Variants in KLF12 observed in about 807,000 individuals in gnomAD.
KLF12 encodes Krueppel-like factor 12.
In KLF12, 9 loss-of-function variants were observed where a neutral mutation model predicts 37.8. The ratio of observed to expected loss-of-function variants is 0.24; its 90% CI spans 0.14 to 0.42. KLF12 has a LOEUF of 0.42. Ranked by LOEUF, KLF12 falls within the 10% of genes least tolerant of loss-of-function variation. The pLI is 1.00. For missense variants in KLF12, 411 were observed against 516.0 expected (o/e 0.80, Z 1.97); for synonymous variants, 208 against 202.1 (o/e 1.03, Z -0.25).
At chr13:74,127,381 A>C (rs1327117132) in intron 1 of KLF12, among the ~76,000 whole-genome samples, 3 of 152,236 alleles carry the variant, frequency 2.0e-5, no homozygotes, top group African/African-American at 7.2e-5. Flanking sequence ...ATTTAGAACA[A>C]GGCAAATCAA....
chr13:73,717,010 T>A (rs919326942), intron 6 of KLF12, among the ~76,000 whole-genome samples: 1 of 152,232 alleles, frequency 6.6e-6, no homozygotes, highest in African/African-American at 2.4e-5. Flanking sequence ...CGGGGGTCAG[T>A]GAACTTTTGC....
At chr13:73,900,918 C>T (rs1471895163) in intron 3 of KLF12, among the ~76,000 whole-genome samples, 1 of 152,046 alleles carries the variant, frequency 6.6e-6, no homozygotes, top group African/African-American at 2.4e-5. Flanking sequence ...GTTCTGAGTT[C>T]TAGTTTTAAA....
intron 7 of KLF12, among the ~76,000 whole-genome samples, chr13:73,713,929 G>A (rs1875599471): frequency 6.6e-6 from 1 of 152,094 alleles, no homozygotes; most frequent in African/African-American, 2.4e-5. Flanking sequence ...AAACAGAAAT[G>A]CTCCTATAAA....
intron 2 of KLF12, among the ~76,000 whole-genome samples, chr13:73,986,517 C>T (rs1891832579): frequency 6.6e-6 from 1 of 152,118 alleles, no homozygotes; most frequent in African/African-American, 2.4e-5. Flanking sequence ...TTTTTGAAAA[C>T]CTGTGGCTGG....
At chr13:73,704,690 G>A (rs560766225) in intron 7 of KLF12, among the ~76,000 whole-genome samples, 1 of 152,162 alleles carries the variant, frequency 6.6e-6, no homozygotes, top group Non-Finnish European at 1.5e-5. Context: ...CATGCCACTT[G>A]TTGGCCCCAT....
intron 1 of KLF12, among the ~76,000 whole-genome samples, chr13:74,119,251 G>T (rs576876895): frequency 6.6e-6 from 1 of 151,854 alleles, no homozygotes; most frequent in South Asian, 2.1e-4. Flanking sequence ...AGAATCACTT[G>T]AACTTGGGAG....
chr13:74,250,163 T>C, the KLF12 span, among the ~76,000 whole-genome samples: 1 of 152,118 alleles, frequency 6.6e-6, no homozygotes, highest in Admixed American at 6.5e-5. Flanking sequence ...GAAGGAGTCA[T>C]ACTTTGAGAG....
chr13:73,809,688 G>A (rs9573297), intron 5 of KLF12, among the ~76,000 whole-genome samples: 51,179 of 151,762 alleles, frequency 0.34, 9,014 homozygotes, highest in East Asian at 0.64. Context: ...ACATTTAAGA[G>A]GTCTCTGCAG....
At chr13:73,804,703 G>A (rs1882468051) in intron 5 of KLF12, among the ~76,000 whole-genome samples, 1 of 152,090 alleles carries the variant, frequency 6.6e-6, no homozygotes, top group South Asian at 2.1e-4. Context: ...TATCTCCCCT[G>A]GCAAGAATGA....
At chr13:73,803,789 C>T (rs1408237915) in intron 5 of KLF12, among the ~76,000 whole-genome samples, 5 of 148,108 alleles carry the variant, frequency 3.4e-5, no homozygotes, top group African/African-American at 9.9e-5. Context: ...CACACACACA[C>T]ACACACACAC....
chr13:73,880,510 C>T (rs1175771706), intron 3 of KLF12, among the ~76,000 whole-genome samples: 4 of 152,162 alleles, frequency 2.6e-5, no homozygotes, highest in Admixed American at 6.6e-5. Context: ...GGAATTGCCT[C>T]CAACCTGTGA....
intron 3 of KLF12, among the ~76,000 whole-genome samples, chr13:73,913,835 G>T (rs1260493718): frequency 6.6e-6 from 1 of 152,044 alleles, no homozygotes; most frequent in African/African-American, 2.4e-5. Flanking sequence ...AACTGTACAA[G>T]TAGCATGGGC....
intron 5 of KLF12, among the ~76,000 whole-genome samples, chr13:73,776,215 C>A (rs1405903013): frequency 6.6e-6 from 1 of 152,040 alleles, no homozygotes; most frequent in Non-Finnish European, 1.5e-5. Context: ...CCAAATAAAT[C>A]AAAAGGAATG....
At chr13:73,736,876 C>T (rs1346450926) in intron 6 of KLF12, among the ~76,000 whole-genome samples, 1 of 152,116 alleles carries the variant, frequency 6.6e-6, no homozygotes, top group Non-Finnish European at 1.5e-5. Flanking sequence ...AAATTACATA[C>T]TAATAAATAT....
At chr13:73,856,067 A>G (rs1219544212) in intron 3 of KLF12, among the ~76,000 whole-genome samples, 1 of 152,200 alleles carries the variant, frequency 6.6e-6, no homozygotes, top group Non-Finnish European at 1.5e-5. Flanking sequence ...TAATGCATTT[A>G]AGTAGGAGAA....
the KLF12 span, among the ~76,000 whole-genome samples, chr13:74,199,708 A>G: frequency 6.6e-6 from 1 of 152,320 alleles, no homozygotes; most frequent in Middle Eastern, 3.4e-3. Context: ...GATTGTCAAT[A>G]ACGTCCTGAA....
At chr13:73,851,231 A>C (rs1000435483) in intron 3 of KLF12, among the ~76,000 whole-genome samples, 3 of 152,218 alleles carry the variant, frequency 2.0e-5, no homozygotes, top group Non-Finnish European at 2.9e-5. Context: ...AAACTATCTC[A>C]GGAGGAACTT....
chr13:74,197,473 C>T, the KLF12 span, among the ~76,000 whole-genome samples: 1 of 152,018 alleles, frequency 6.6e-6, no homozygotes, highest in Non-Finnish European at 1.5e-5. Context: ...CTCACACACA[C>T]ACCCCACACA....
chr13:73,799,060 C>T (rs1594104221), intron 5 of KLF12, among the ~76,000 whole-genome samples: 1 of 152,064 alleles, frequency 6.6e-6, no homozygotes, highest in Non-Finnish European at 1.5e-5. Context: ...GCACATATAC[C>T]CCATGGAATA....
Sources: allele counts gnomAD v4.1 joint callset (sites outside exome capture counted in the v4.1 genomes callset), GRCh38; gene constraint gnomAD v4.1.1; transcripts MANE v1.5; gene names NCBI Gene and HGNC (gene_info 2026-07-23, HGNC 2026-07-21).